Variants in NCK2 observed in about 807,000 individuals in gnomAD.
NCK2 encodes cytoplasmic protein NCK2.
Under a neutral mutation model 33.9 loss-of-function variants are expected in NCK2, and 16 were observed. The observed-to-expected ratio is 0.47, with a 90% CI of 0.32 to 0.72. NCK2 has a LOEUF of 0.72. Among genes scored for constraint, NCK2 ranks in the 30% least tolerant of loss-of-function variants. The pLI is 0.03. For missense variants in NCK2, 418 were observed against 537.3 expected, an observed-to-expected ratio of 0.78 and a Z score of 2.19; for synonymous variants, 273 against 239.9, an observed-to-expected ratio of 1.14 and a Z score of -1.27.
At chr2:105,828,954 C>T (rs1312476445) in intron 2 of NCK2, among the ~76,000 whole-genome samples, 1 of 152,146 alleles carries the variant, frequency 6.6e-6, no homozygotes, top group Non-Finnish European at 1.5e-5. Context: ...TTATTAGAGC[C>T]CAAATGAGCT....
chr2:105,759,256 G>A lies in NCK2; in HGVS notation c.-201+14118G>A, dbSNP rs191504570. On this transcript the variant is annotated intron_variant, in intron 1 of 4. Transcript: ENST00000233154. ...TGTTTATAAACACATGCAGTATATC[G>A]TTTTACGTATTCAAGTACACATAGT... Among the ~76,000 whole-genome samples, 478 of 152,232 alleles carry A rather than the reference G, an allele frequency of 3.1e-3. 3 individuals are homozygous for A. Among genetic ancestry groups the A allele is most frequent in the African/African-American group, 0.011 (441 of 41,528 alleles).
intron 2 of NCK2, chr2:105,847,242 T>C (rs142193798): frequency 6.6e-6 from 1 of 152,122 alleles, no homozygotes; most frequent in Non-Finnish European, 1.5e-5. Flanking sequence ...ATGATGTTGA[T>C]GTTTGCACAA....
chr2:105,865,052 T>C lies in NCK2; in HGVS notation c.226+9763T>C, dbSNP rs147087041. ...GCTGGTGTCAGGGCCGCAGGCTCCC[T>C]CAGCCAGCATCAGTGCTCCCTGACC... is the stretch of plus-strand genomic sequence containing the variant. On this transcript the variant is annotated intron_variant, in intron 3 of 4. Transcript: ENST00000233154. 4.2e-3 allele frequency among the ~76,000 whole-genome samples: 645 copies of C among 152,288 alleles called. 3 individuals are homozygous for C. Among genetic ancestry groups the C allele is most frequent in the African/African-American group, 0.014 (586 of 41,568 alleles).
At chr2:105,842,072 A>T (rs1676669474) in intron 2 of NCK2, among the ~76,000 whole-genome samples, 1 of 151,814 alleles carries the variant, frequency 6.6e-6, no homozygotes, top group African/African-American at 2.4e-5. Context: ...AAGTAGTAAT[A>T]GTATTTGTGG....
At chr2:105,795,828 A>G (rs1411770193) in intron 1 of NCK2, among the ~76,000 whole-genome samples, 1 of 151,652 alleles carries the variant, frequency 6.6e-6, no homozygotes, top group Non-Finnish European at 1.5e-5. Flanking sequence ...CTCCTCCCTA[A>G]CTTCCTTCCT....
intron 3 of NCK2, among the ~76,000 whole-genome samples, chr2:105,868,648 G>A (rs766635732): frequency 9.2e-5 from 14 of 152,214 alleles, no homozygotes; most frequent in Admixed American, 2.0e-4. Context: ...ATTCAGTGGC[G>A]AGAAAGGTTG....
intron 1 of NCK2, among the ~76,000 whole-genome samples, chr2:105,750,161 G>A (rs954060109): frequency 8.6e-5 from 13 of 152,028 alleles, no homozygotes; most frequent in Admixed American, 8.5e-4. Context: ...GGGCCGGCAG[G>A]GCTGGTTTCT....
rs896208731 is a variant in NCK2, at chr2:105,893,327, T to C, written c.*151T>C. The C allele has an allele frequency of 2.5e-6, 2 of 787,418 alleles. No homozygotes were observed. The highest frequency in any genetic ancestry group is 3.9e-6 in the Non-Finnish European group (2 of 512,106). 48.8% of individuals were successfully genotyped at this position (787,418 alleles called of 1,614,324 possible). A position where few individuals can be genotyped will look rare whatever the true frequency, so the allele number is the denominator to read the frequency against. ...GGTCGCTTGGTCGGTTCGTCTCCCA[T>C]TTGCCATCCAGGCCTCACACCCACA... On this transcript the variant is annotated 3_prime_UTR_variant, in exon 5 of 5. Coordinates refer to ENST00000233154, the MANE Select transcript of NCK2 (RefSeq NM_003581.5).
In NCK2 at chr2:105,787,201, A is replaced by AAGCTC. The variant is rs1690709266; in HGVS notation, c.-200-29220_-200-29216dup. Among the ~76,000 whole-genome samples the AAGCTC allele has an allele frequency of 3.9e-5, 6 of 152,208 alleles. No individual in the cohort carries two copies. The South Asian group carries it at 1.2e-3, about 32-fold the overall frequency. ...GGGTTGGTTGTCCTCACACTGAAGG[A>AAGCTC]AGCTCAGCTCAGCGCCGTGGAAGGG... is the stretch of plus-strand genomic sequence containing the variant. On this transcript the variant is annotated intron_variant, in intron 1 of 4. Coordinates refer to ENST00000233154, the MANE Select transcript of NCK2 (RefSeq NM_003581.5).
At position 105,818,547 on chromosome 2, in the gene NCK2, T is replaced by C. The variant is rs185302755; in HGVS notation, c.-17+1934T>C. 2.7e-3 allele frequency among the ~76,000 whole-genome samples: 416 copies of C among 152,160 alleles called. 3 individuals carry two copies. Among genetic ancestry groups the C allele is most frequent in the Middle Eastern group, 0.02 (6 of 294 alleles). On this transcript the variant is annotated intron_variant, in intron 2 of 4. Coordinates refer to ENST00000233154, the MANE Select transcript of NCK2 (RefSeq NM_003581.5). ...ACATGGTATATTTAACAGAACAAAA[T>C]AGAAAAGATTGTTAAATCAAGTATG...
chr2:105,879,670 G>T (rs149991314), intron 3 of NCK2, among the ~76,000 whole-genome samples: 1 of 152,258 alleles, frequency 6.6e-6, no homozygotes, highest in South Asian at 2.1e-4. Flanking sequence ...TCCTGGCGCC[G>T]CGTGGGCACA....
intron 3 of NCK2, among the ~76,000 whole-genome samples, chr2:105,880,347 G>A (rs1678420724): frequency 6.6e-6 from 1 of 152,202 alleles, no homozygotes; most frequent in South Asian, 2.1e-4. Context: ...TTCGATTGAA[G>A]GTATCAGCTA....
chr2:105,759,475 A>T (rs77574642), intron 1 of NCK2, among the ~76,000 whole-genome samples: 1 of 30,888 alleles, frequency 3.2e-5, no homozygotes, highest in Non-Finnish European at 7.0e-5. Context: ...TATATAATAA[A>T]ACATATGGTA....
chr2:105,868,611 G>T (rs539102150), intron 3 of NCK2, among the ~76,000 whole-genome samples: 18 of 152,330 alleles, frequency 1.2e-4, no homozygotes, highest in African/African-American at 3.6e-4. Context: ...AATCTGTAAT[G>T]TTTAACCGGC....
chr2:105,749,938 G>T (rs1214759575), intron 1 of NCK2, among the ~76,000 whole-genome samples: 1 of 151,940 alleles, frequency 6.6e-6, no homozygotes, highest in African/African-American at 2.4e-5. Context: ...GCTGAGTCAC[G>T]CGAATTGCTT....
intron 3 of NCK2, among the ~76,000 whole-genome samples, chr2:105,871,503 CTTTTTTT>C (rs369980011): frequency 3.4e-5 from 5 of 148,440 alleles, no homozygotes; most frequent in Non-Finnish European, 7.5e-5. Flanking sequence ...TTTCTTTTTT[CTTTTTTT>C]TTTGAGACAG....
intron 1 of NCK2, among the ~76,000 whole-genome samples, chr2:105,777,212 A>G (rs530024633): frequency 8.3e-4 from 127 of 152,232 alleles, no homozygotes; most frequent in African/African-American, 2.7e-3. Flanking sequence ...CTGCTGCTTT[A>G]GGAACCTGCT....
intron 2 of NCK2, among the ~76,000 whole-genome samples, chr2:105,838,278 C>T (rs200094183): frequency 6.6e-6 from 1 of 150,824 alleles, no homozygotes; most frequent in East Asian, 1.9e-4. Context: ...AAGATAAATG[C>T]AAATTTTTAA....
At chr2:105,873,405 C>T (rs1224368168) in intron 3 of NCK2, among the ~76,000 whole-genome samples, 1 of 152,180 alleles carries the variant, frequency 6.6e-6, no homozygotes, top group Non-Finnish European at 1.5e-5. Flanking sequence ...TCACAGGTTT[C>T]TCATTATTAC....
Sources: gnomAD v4.1 joint callset for allele counts (sites outside exome capture counted in the v4.1 genomes callset) on GRCh38, gnomAD v4.1.1 for gene constraint, MANE v1.5 for transcripts, NCBI Gene and HGNC (gene_info 2026-07-23, HGNC 2026-07-21) for gene names.